The following RASSF8 variants were observed in gnomAD, a reference collection of about 807,000 sequenced individuals.
The protein encoded by RASSF8 is ras association domain-containing protein 8.
In RASSF8, 22 loss-of-function variants were observed where a neutral mutation model predicts 48.5. The observed-to-expected ratio is 0.45, with a 90% CI of 0.32 to 0.65. RASSF8 has a LOEUF of 0.65. RASSF8 is among the 30% of genes least tolerant of loss of function. The pLI is 0.03. For missense variants in RASSF8, 418 were observed against 489.2 expected, an observed-to-expected ratio of 0.85 and a Z score of 1.37; for synonymous variants, 127 against 171.5, an observed-to-expected ratio of 0.74 and a Z score of 2.03.
chr12:25,983,398 A>G (rs544184984), intron 1 of RASSF8, among the ~76,000 whole-genome samples: 4 of 152,368 alleles, frequency 2.6e-5, no homozygotes, highest in African/African-American at 9.6e-5. Context: ...ACCCACAGAA[A>G]GAAATTCACT....
intron 1 of RASSF8, among the ~76,000 whole-genome samples, chr12:25,991,561 CTG>C (rs1942015357): frequency 1.3e-5 from 2 of 152,246 alleles, no homozygotes; most frequent in South Asian, 4.2e-4. Flanking sequence ...GAAGGTTTGA[CTG>C]GGGCTGGAAA....
At chr12:26,057,040 T>C (rs1220246771) in intron 3 of RASSF8, among the ~76,000 whole-genome samples, 5 of 152,104 alleles carry the variant, frequency 3.3e-5, no homozygotes, top group Admixed American at 6.6e-5. Flanking sequence ...AAAAGTAGTT[T>C]TTACAAAAGT....
chr12:26,063,409 T>A (rs1416419969), intron 3 of RASSF8, among the ~76,000 whole-genome samples: 1 of 152,128 alleles, frequency 6.6e-6, no homozygotes, highest in Admixed American at 6.5e-5. Context: ...TGTTTTGTTT[T>A]TTTTTTGAGA....
chr12:26,048,909 A>G (rs1003463321), intron 2 of RASSF8, among the ~76,000 whole-genome samples: 2 of 151,966 alleles, frequency 1.3e-5, no homozygotes, highest in Non-Finnish European at 2.9e-5. Context: ...GCCCACCACC[A>G]TACCCAGCTA....
intron 2 of RASSF8, among the ~76,000 whole-genome samples, 165 bp from the exon 3 acceptor site, chr12:26,055,071 G>A (rs1259947690): frequency 6.6e-6 from 1 of 152,160 alleles, no homozygotes; most frequent in African/African-American, 2.4e-5. Flanking sequence ...TGTCATGATA[G>A]GTGACTGTAG....
At chr12:26,037,478 A>G (rs1289986431) in intron 2 of RASSF8, among the ~76,000 whole-genome samples, 2 of 152,200 alleles carry the variant, frequency 1.3e-5, no homozygotes, top group African/African-American at 4.8e-5. Context: ...GGTAGAGTTT[A>G]TAATTATTTT....
At chr12:26,054,958 G>A (rs766730113) in intron 2 of RASSF8, among the ~76,000 whole-genome samples, 1 of 151,948 alleles carries the variant, frequency 6.6e-6, no homozygotes, top group African/African-American at 2.4e-5. Context: ...GAAAAACAGC[G>A]CATATATTGA....
chr12:26,007,390 C>G (rs1004969162), intron 2 of RASSF8, among the ~76,000 whole-genome samples: 1 of 152,216 alleles, frequency 6.6e-6, no homozygotes, highest in Non-Finnish European at 1.5e-5. Context: ...AAATCTGTCT[C>G]TCAGACCTGG....
At chr12:26,060,260 G>A (rs190136181) in intron 3 of RASSF8, among the ~76,000 whole-genome samples, 1 of 152,242 alleles carries the variant, frequency 6.6e-6, no homozygotes, top group Non-Finnish European at 1.5e-5. Flanking sequence ...CAGTAATTCT[G>A]TGATTACATG....
intron 2 of RASSF8, among the ~76,000 whole-genome samples, chr12:26,012,824 G>A (rs1200204695): frequency 1.3e-5 from 2 of 151,806 alleles, no homozygotes; most frequent in Non-Finnish European, 1.5e-5. Flanking sequence ...GGGACCACAG[G>A]CCACCATGCC....
At chr12:26,044,795 G>A (rs986110717) in intron 2 of RASSF8, among the ~76,000 whole-genome samples, 3 of 152,056 alleles carry the variant, frequency 2.0e-5, no homozygotes, top group Non-Finnish European at 2.9e-5. Context: ...ACAGTATAGC[G>A]CCTCCTGGAT....
rs1943021609 is a variant in RASSF8 at position 26,031,121 on chromosome 12, CAAAT to C, written c.-108-24112_-108-24109del. 5.3e-5 allele frequency among the ~76,000 whole-genome samples: 8 copies of C among 152,114 alleles called. No individual in the cohort carries two copies. The South Asian group carries it at 1.7e-3, about 32-fold the overall frequency. Reference sequence around the variant, plus strand: ...GTTACGTAATGCCTGAGACAACAATCAAATAAGCTTTATTTTACAACTAGTAACT... The same window carrying C: ...GTTACGTAATGCCTGAGACAACAATCAAGCTTTATTTTACAACTAGTAACT... On this transcript the variant is annotated intron_variant, in intron 2 of 5. Transcript: ENST00000689635.
downstream of RASSF8, among the ~76,000 whole-genome samples, chr12:26,076,213 C>G (rs989268862): frequency 6.6e-5 from 10 of 151,972 alleles, no homozygotes; most frequent in Admixed American, 1.3e-4. Flanking sequence ...CCTGAACACA[C>G]TCTACACCAA....
At chr12:26,051,904 G>T (rs532228244) in intron 2 of RASSF8, among the ~76,000 whole-genome samples, 2 of 152,276 alleles carry the variant, frequency 1.3e-5, no homozygotes, top group Non-Finnish European at 2.9e-5. Context: ...TCACCTCACA[G>T]CCTTCTTGCC....
At chr12:26,079,285 A>C in exon 6 of RASSF8, 1 of 407,272 alleles carries the variant, frequency 2.5e-6, no homozygotes, top group East Asian at 4.1e-5. Flanking sequence ...AAATAATCCA[A>C]TTAAAAATGG....
chr12:25,984,224 C>CTTTTTTTTT (rs57275940), intron 1 of RASSF8, among the ~76,000 whole-genome samples: 1 of 86,734 alleles, frequency 1.2e-5, no homozygotes, highest in Non-Finnish European at 2.2e-5. Flanking sequence ...CTACACGTAG[C>CTTTTTTTTT]TTTTTTTTTT....
At chr12:26,041,187 T>C (rs934061131) in intron 2 of RASSF8, among the ~76,000 whole-genome samples, 2 of 152,170 alleles carry the variant, frequency 1.3e-5, no homozygotes, top group African/African-American at 4.8e-5. Flanking sequence ...CCACCGTGCC[T>C]GGCCAGTATA....
intron 2 of RASSF8, among the ~76,000 whole-genome samples, chr12:26,033,258 TC>T (rs774465126): frequency 2.0e-5 from 3 of 152,176 alleles, no homozygotes; most frequent in Non-Finnish European, 4.4e-5. Context: ...ATGCTGGAGT[TC>T]CTTTGAGCAA....
chr12:26,034,556 A>G (rs1943093153), intron 2 of RASSF8, among the ~76,000 whole-genome samples: 4 of 152,174 alleles, frequency 2.6e-5, no homozygotes. Context: ...CACTTCCAAA[A>G]TTAAACTCAT....
Sources: gnomAD v4.1 joint callset for allele counts (sites outside exome capture counted in the v4.1 genomes callset) on GRCh38, gnomAD v4.1.1 for gene constraint, MANE v1.5 for transcripts, NCBI Gene and HGNC (gene_info 2026-07-23, HGNC 2026-07-21) for gene names.